The following C10orf143 variants were observed in gnomAD, a reference collection of about 807,000 sequenced individuals.
C10orf143 encodes uncharacterized protein C10orf143.
Position 130,066,325 on chromosome 10 carries a change from C to T in C10orf143, c.298-1942G>A, listed in dbSNP as rs55794231. On this transcript the variant is annotated intron_variant, in intron 3 of 3. Coordinates refer to ENST00000637128, the MANE Select transcript of C10orf143 (RefSeq NM_001355042.2). ...ATCTCAGCCTCCTGAGTAGCTGGGA[C>T]TGCAGGTGCTTGCCGCCACACCTGG... is the stretch of plus-strand genomic sequence containing the variant. 608 of 151,004 alleles carry T rather than the reference C, an allele frequency of 4.0e-3. 4 individuals carry two copies. Among genetic ancestry groups the T allele is most frequent in the African/African-American group, 0.013 (553 of 41,090 alleles). The allele number at this position is 151,004 out of a possible 1,614,324, so 9.4% of individuals were successfully genotyped here.
chr10:130,100,900 AG>A (rs1388573949), intron 1 of C10orf143, among the ~76,000 whole-genome samples: 3 of 152,108 alleles, frequency 2.0e-5, no homozygotes, highest in Admixed American at 2.0e-4. Context: ...AGGGGAGAAA[AG>A]GGACAGAAAA....
At chr10:130,103,856 C>T (rs1041294206) in intron 1 of C10orf143, among the ~76,000 whole-genome samples, 5 of 134,286 alleles carry the variant, frequency 3.7e-5, no homozygotes, top group Non-Finnish European at 6.4e-5. Context: ...CTTGAATCAA[C>T]TCATATGACA....
chr10:130,077,894 T>G (rs1182995), intron 3 of C10orf143, among the ~76,000 whole-genome samples: 90,976 of 152,094 alleles, frequency 0.6, 27,994 homozygotes, highest in Admixed American at 0.71. Context: ...CATTAGACTT[T>G]CAGAAGTAGT....
rs1860913804 is a variant in C10orf143 at position 130,065,330 on chromosome 10, C to T, written c.298-947G>A. On this transcript the variant is annotated intron_variant, in intron 3 of 3. Transcript: ENST00000637128. The surrounding 1 kb of genome is among the most constrained non-coding windows in gnomAD (Gnocchi z 4.2). ...GAGCCAGGGAAGACAGCACGTGACC[C>T]TACCTGGTGAGGGGCCTGAAGAAGG... 6.6e-6 allele frequency: 1 copy of T among 152,212 alleles called. No individual in the cohort carries two copies. Among genetic ancestry groups the T allele is most frequent in the Non-Finnish European group, 1.5e-5 (1 of 68,084 alleles). The allele number at this position is 152,212 out of a possible 1,614,324, so 9.4% of individuals were successfully genotyped here.
chr10:130,088,452 T>C (rs1404449916), intron 1 of C10orf143, among the ~76,000 whole-genome samples: 6 of 152,182 alleles, frequency 3.9e-5, no homozygotes, highest in Admixed American at 6.5e-5. Context: ...AATTAATAAG[T>C]CCACAAGAAA....
downstream of C10orf143, among the ~76,000 whole-genome samples, chr10:130,062,385 T>A (rs1860866882): frequency 6.6e-6 from 1 of 152,118 alleles, no homozygotes; most frequent in South Asian, 2.1e-4. Flanking sequence ...GGACTCACCC[T>A]CAATCTGGGT....
downstream of C10orf143, among the ~76,000 whole-genome samples, chr10:130,063,473 C>T (rs950812756): frequency 2.6e-5 from 4 of 152,164 alleles, no homozygotes; most frequent in African/African-American, 7.2e-5. Context: ...TGGGATCTTA[C>T]CCAGGCTTAA....
chr10:130,110,505 A>G (rs963793917), intron 1 of C10orf143, among the ~76,000 whole-genome samples, 199 bp downstream of exon 1: 15 of 152,252 alleles, frequency 9.9e-5, no homozygotes, highest in Admixed American at 9.2e-4. Context: ...CGAAACCGGG[A>G]GAGCGGCGTC....
At chr10:130,069,337 G>A (rs771747819) in intron 3 of C10orf143, among the ~76,000 whole-genome samples, 3 of 152,054 alleles carry the variant, frequency 2.0e-5, no homozygotes, top group Non-Finnish European at 4.4e-5. Flanking sequence ...AAAACCAAAC[G>A]ACATTGAAAT....
At chr10:130,087,578 G>A (rs574096677) in intron 1 of C10orf143, among the ~76,000 whole-genome samples, 1 of 152,328 alleles carries the variant, frequency 6.6e-6, no homozygotes, top group Non-Finnish European at 1.5e-5. Context: ...GTCCTGAGGA[G>A]GCAAGACCAA....
intron 1 of C10orf143, among the ~76,000 whole-genome samples, chr10:130,088,946 T>G (rs1861336737): frequency 6.6e-6 from 1 of 152,166 alleles, no homozygotes; most frequent in Non-Finnish European, 1.5e-5. Context: ...CACTGGGGCT[T>G]TACCAACAGG....
chr10:130,060,563 C>T (rs986481945), downstream of C10orf143, among the ~76,000 whole-genome samples: 1 of 152,168 alleles, frequency 6.6e-6, no homozygotes, highest in African/African-American at 2.4e-5. Context: ...GTGGCTCACG[C>T]CTGTAATCCC....
intron 3 of C10orf143, among the ~76,000 whole-genome samples, chr10:130,077,976 AT>A (rs1161354815): frequency 6.6e-6 from 1 of 152,212 alleles, no homozygotes; most frequent in African/African-American, 2.4e-5. Context: ...AAGGAAACTG[AT>A]TTTTTAAAGT....
chr10:130,103,417 G>A (rs933731819), intron 1 of C10orf143, among the ~76,000 whole-genome samples: 2 of 152,150 alleles, frequency 1.3e-5, no homozygotes, highest in East Asian at 3.9e-4. Flanking sequence ...TTGAACCCAG[G>A]AGGCAGAGGT....
intron 3 of C10orf143, among the ~76,000 whole-genome samples, chr10:130,040,253 C>T (rs61875995): frequency 0.14 from 20,629 of 152,218 alleles, 1,850 homozygotes; most frequent in Admixed American, 0.2. Context: ...TGGCCTGTTG[C>T]TGAGCAGTCC....
intron 3 of C10orf143, among the ~76,000 whole-genome samples, chr10:130,057,390 C>A (rs1398357732): frequency 6.6e-6 from 1 of 152,190 alleles, no homozygotes; most frequent in Non-Finnish European, 1.5e-5. Flanking sequence ...CCCCTCTGGG[C>A]CCTTCCAAGT....
chr10:130,038,853 C>T lies in C10orf143; in HGVS notation c.298-2883G>A, dbSNP rs112099659. On this transcript the variant is annotated intron_variant and NMD_transcript_variant, in intron 3 of 5. Coordinates refer to the C10orf143 transcript ENST00000643056. ...CTTTTTCCTGCTAAGCTGGAGGAGG[C>T]GGAGACGGTAGCAAGGCCGGAGGGA... Among the ~76,000 whole-genome samples the T allele has an allele frequency of 4.7e-3, 717 of 152,280 alleles. 6 individuals carry two copies. The highest frequency in any genetic ancestry group is 0.015 in the African/African-American group (639 of 41,576).
intron 1 of C10orf143, among the ~76,000 whole-genome samples, chr10:130,101,925 G>A (rs897727553): frequency 9.5e-5 from 12 of 126,382 alleles, no homozygotes; most frequent in Non-Finnish European, 2.0e-4. Flanking sequence ...ATTATCACCA[G>A]CAAACCTGTC....
chr10:130,106,206 C>G (rs1160654271), intron 1 of C10orf143: 1 of 1,131,236 alleles, frequency 8.8e-7, no homozygotes, highest in Non-Finnish European at 1.3e-6. Context: ...GCATTTTTTG[C>G]TGTTCTCCTT....
Sources: gnomAD v4.1 joint callset for allele counts (sites outside exome capture counted in the v4.1 genomes callset) on GRCh38, gnomAD v4.1.1 for gene constraint, Gnocchi (gnomAD v3.1) non-coding constraint, MANE v1.5 for transcripts, NCBI Gene and HGNC (gene_info 2026-07-23, HGNC 2026-07-21) for gene names.